The following TIAM2 variants were observed in gnomAD, a reference collection of about 807,000 sequenced individuals.
TIAM2 encodes TIAM Rac1 associated GEF 2.
In TIAM2, 80 loss-of-function variants were observed where a neutral mutation model predicts 152.9. The observed-to-expected ratio is 0.52, with a 90% CI of 0.44 to 0.63. The LOEUF (loss-of-function observed/expected upper bound fraction) is 0.63, where lower values mean the gene tolerates loss of function less well. Ranked by LOEUF, TIAM2 falls within the 30% of genes least tolerant of loss-of-function variation. The pLI is 0.00. For synonymous variants in TIAM2, 804 were observed against 838.0 expected, an observed-to-expected ratio of 0.96 and a Z score of 0.70; for missense variants, 1,965 against 2,120.1, an observed-to-expected ratio of 0.93 and a Z score of 1.44.
chr6:155,257,130 A>T lies in TIAM2; in HGVS notation c.*9A>T. On this transcript the variant is annotated 3_prime_UTR_variant, in exon 27 of 27. Transcript: ENST00000682666. ...GCCACGGAAAATCATAGTATGATTC[A>T]ATCCAGATATGGGTTAAATTCCTCA... 1 of 1,613,246 alleles carries T rather than the reference A, an allele frequency of 6.2e-7. No individual in the cohort carries two copies. The highest frequency in any genetic ancestry group is 1.1e-5 in the South Asian group (1 of 91,004).
chr6:155,069,379 C>A (rs1273986652), intron 1 of TIAM2, among the ~76,000 whole-genome samples: 1 of 152,172 alleles, frequency 6.6e-6, no homozygotes, highest in Non-Finnish European at 1.5e-5. Flanking sequence ...CAGGGGTAAG[C>A]AACCACGCCC....
At chr6:155,244,322 A>T (rs1457982697) in intron 17 of TIAM2, among the ~76,000 whole-genome samples, 2 of 152,184 alleles carry the variant, frequency 1.3e-5, no homozygotes, top group Non-Finnish European at 2.9e-5. Context: ...GGTAGAAGAG[A>T]GTGTGATCAG....
chr6:155,187,474 G>A (rs1028620123), intron 14 of TIAM2, among the ~76,000 whole-genome samples: 2 of 151,704 alleles, frequency 1.3e-5, no homozygotes, highest in African/African-American at 4.8e-5. Context: ...AGACTCACCT[G>A]CTGAGCTTAA....
At chr6:155,128,224 C>T (rs1380894833) in intron 3 of TIAM2, among the ~76,000 whole-genome samples, 2 of 152,088 alleles carry the variant, frequency 1.3e-5, no homozygotes, top group Non-Finnish European at 2.9e-5. Context: ...GTGAAGATAC[C>T]TGAAGTCTTT....
Position 155,164,450 on chromosome 6 carries a change from C to T in TIAM2, c.2064C>T (p.His688=). Residue 688 remains histidine (H), a synonymous_variant, in exon 8 of 27, where the codon CAC becomes CAT. Coordinates refer to ENST00000682666, the MANE Select transcript of TIAM2 (RefSeq NM_012454.4). The part of the protein sequence containing the change: ...QQWEQNLEKF[H]MDLFRMRCYL... ...GGGAGCAGAATCTTGAGAAATTTCA[C>T]ATGGATCTGTTCAGGATGCGCTGCT... 1.9e-6 allele frequency: 3 copies of T among 1,601,370 alleles called. No homozygotes were observed. Among genetic ancestry groups the T allele is most frequent in the Non-Finnish European group, 2.6e-6 (3 of 1,170,214 alleles).
intron 15 of TIAM2, chr6:155,216,918 G>C: frequency 8.4e-7 from 1 of 1,195,200 alleles, no homozygotes; most frequent in African/African-American, 1.6e-5. Flanking sequence ...GGTGGCGCTA[G>C]GACGTCCTTG....
intron 16 of TIAM2, among the ~76,000 whole-genome samples, chr6:155,242,989 C>T (rs1431674706): frequency 2.0e-5 from 3 of 151,890 alleles, no homozygotes; most frequent in Non-Finnish European, 2.9e-5. Context: ...GTGATCCACC[C>T]GCCTCTGCCT....
At chr6:155,089,884 G>A (rs1778260895) in intron 1 of TIAM2, among the ~76,000 whole-genome samples, 1 of 152,098 alleles carries the variant, frequency 6.6e-6, no homozygotes, top group Non-Finnish European at 1.5e-5. Context: ...CTGGAGTAGT[G>A]GCTTGGTCAC....
intron 1 of TIAM2, among the ~76,000 whole-genome samples, chr6:155,029,505 A>AATATATATT (rs1491485212): frequency 7.1e-5 from 2 of 28,336 alleles, no homozygotes; most frequent in South Asian, 8.8e-4. Flanking sequence ...TATTATATAT[A>AATATATATT]ATATATACTA....
In TIAM2 at chr6:155,156,420, C is replaced by A; in HGVS notation, c.2029-7995C>A. ...CTGTAATCCCAGCATTTTGGGAGGC[C>A]AAGGTGGGCGGATCACTTGAGGTCA... On this transcript the variant is annotated intron_variant, in intron 7 of 26. Transcript: ENST00000682666. The surrounding 1 kb of genome is among the most constrained non-coding windows in gnomAD (Gnocchi z 4.4). 6.6e-6 allele frequency among the ~76,000 whole-genome samples: 1 copy of A among 152,112 alleles called. No individual in the cohort carries two copies. Among genetic ancestry groups the A allele is most frequent in the African/African-American group, 2.4e-5 (1 of 41,420 alleles).
At position 155,253,045 on chromosome 6, in the gene TIAM2, A is replaced by T; in HGVS notation, c.4217A>T (p.Asn1406Ile). The change falls in exon 24 of 27, where the codon AAT becomes ATT. Residue 1406 changes from asparagine to isoleucine, a missense_variant. Physicochemically the swap from Asn to Ile is moderately radical, Grantham distance 149. This residue lies in a region of TIAM2 where 935 missense variants were observed against 980.0 expected (regional missense o/e 0.95). Coordinates refer to ENST00000682666, the MANE Select transcript of TIAM2 (RefSeq NM_012454.4). ...TCCGCGCTTCAAGTCAGACTGGGGA[A>T]TCCAGCAGGTAACTGTTTCGTGCAG... ...PISALQVRLG[N>I]PAGTENNSIW... 6.2e-7 allele frequency: 1 copy of T among 1,613,896 alleles called. No individual in the cohort carries two copies. Among genetic ancestry groups the T allele is most frequent in the Non-Finnish European group, 8.5e-7 (1 of 1,179,776 alleles).
chr6:155,074,335 T>C (rs1777905640), intron 1 of TIAM2, among the ~76,000 whole-genome samples: 1 of 152,138 alleles, frequency 6.6e-6, no homozygotes, highest in South Asian at 2.1e-4. Flanking sequence ...TTTAAAGTAA[T>C]GATAAGCTTT....
At chr6:155,033,251 G>C (rs999934283) in intron 1 of TIAM2, among the ~76,000 whole-genome samples, 8 of 152,200 alleles carry the variant, frequency 5.3e-5, no homozygotes, top group Non-Finnish European at 1.2e-4. Flanking sequence ...CTACTTTGGT[G>C]ATGTAACCAC....
At chr6:155,047,698 A>AGAGAGAGAGAG (rs1777219529) in intron 1 of TIAM2, among the ~76,000 whole-genome samples, 1 of 41,610 alleles carries the variant, frequency 2.4e-5, no homozygotes. Flanking sequence ...GGAGAGAGAG[A>AGAGAGAGAGAG]GAGAGAGCGA....
At chr6:155,113,274 G>A (rs1583196779) in intron 2 of TIAM2, among the ~76,000 whole-genome samples, 1 of 152,156 alleles carries the variant, frequency 6.6e-6, no homozygotes, top group East Asian at 1.9e-4. Flanking sequence ...TACACTTGGT[G>A]TCTCCTCCTT....
intron 14 of TIAM2, among the ~76,000 whole-genome samples, chr6:155,206,457 G>T (rs749399673): frequency 1.3e-5 from 2 of 152,050 alleles, no homozygotes; most frequent in Non-Finnish European, 1.5e-5. Flanking sequence ...GGATGGTCTC[G>T]ATCTCCTGAC....
rs141839174 is a variant in TIAM2, at chr6:155,036,450, C to G, written c.-209+40958C>G. On this transcript the variant is annotated intron_variant, in intron 1 of 26. Transcript: ENST00000682666. The stretch of plus-strand genomic sequence containing the variant: ...TTGGGAGGCTGAGGCAGGAGAATCA[C>G]TTGAACCCGGGAGGTGGAGGTTTCA... Among the ~76,000 whole-genome samples the G allele has an allele frequency of 3.6e-3, 538 of 148,402 alleles. 5 individuals carry two copies. The highest frequency in any genetic ancestry group is 0.013 in the African/African-American group (514 of 40,298).
intron 1 of TIAM2, among the ~76,000 whole-genome samples, chr6:155,010,091 C>T (rs1778461908): frequency 6.6e-6 from 1 of 152,160 alleles, no homozygotes; most frequent in South Asian, 2.1e-4. Context: ...GTGCCTCAGC[C>T]TCCCGAAGTC....
Position 155,251,990 on chromosome 6 carries a change from T to C in TIAM2, c.4106T>C (p.Leu1369Pro). 1 of 1,605,152 alleles carries C rather than the reference T, an allele frequency of 6.2e-7. No individual in the cohort carries two copies. ...VILVYKENCK[L>P]KKKLPSNSRP... ...CTGGTTTATAAAGAAAACTGCAAAC[T>C]GAAAAAGAAATTGGTAAGGCAAAAA... Residue 1369 changes from leucine to proline, a missense_variant, in exon 23 of 27, where the codon CTG becomes CCG. Leu to Pro is a moderately conservative substitution (Grantham distance 98, BLOSUM62 -3). Around this residue, in one of 3 missense-constraint regions of TIAM2, gnomAD observed 935 missense variants for 980.0 expected, o/e 0.95. Coordinates refer to ENST00000682666, the MANE Select transcript of TIAM2 (RefSeq NM_012454.4).
Sources: allele counts gnomAD v4.1 joint callset (sites outside exome capture counted in the v4.1 genomes callset), GRCh38; gene constraint gnomAD v4.1.1; regional missense constraint gnomAD v4.1.1; non-coding constraint Gnocchi (gnomAD v3.1); transcripts MANE v1.5; gene names NCBI Gene and HGNC (gene_info 2026-07-23, HGNC 2026-07-21).